The following MKLN1 variants were observed in gnomAD, a reference collection of about 807,000 sequenced individuals.
MKLN1 encodes muskelin 1, also known as muskelin.
Under a neutral mutation model 99.0 loss-of-function variants are expected in MKLN1, and 18 were observed. The observed-to-expected ratio is 0.18, with a 90% confidence interval of 0.13 to 0.27. The LOEUF (loss-of-function observed/expected upper bound fraction) is 0.27, where lower values mean the gene tolerates loss of function less well. MKLN1 is among the 10% of genes least tolerant of loss of function. The pLI, the probability that MKLN1 is intolerant of heterozygous loss-of-function variation, is 1.00. For missense variants in MKLN1, 621 were observed against 875.9 expected, an observed-to-expected ratio of 0.71 and a Z score of 3.67; for synonymous variants, 288 against 293.2, an observed-to-expected ratio of 0.98 and a Z score of 0.18.
At chr7:131,342,019 A>G (rs888222875) in intron 1 of MKLN1, among the ~76,000 whole-genome samples, 2 of 152,230 alleles carry the variant, frequency 1.3e-5, no homozygotes, top group African/African-American at 4.8e-5. Context: ...ATTATGAATA[A>G]TGCTGCTATA....
chr7:131,286,710 G>A (rs1798137388), intron 3 of MKLN1, among the ~76,000 whole-genome samples: 3 of 152,180 alleles, frequency 2.0e-5, no homozygotes, highest in South Asian at 2.1e-4. Context: ...TTCTTGTTTC[G>A]AATAAGAATG....
chr7:131,221,974 C>T (rs941942827), intron 3 of MKLN1, among the ~76,000 whole-genome samples: 5 of 149,986 alleles, frequency 3.3e-5, no homozygotes, highest in African/African-American at 7.4e-5. Context: ...GGTGTGATCT[C>T]GGCTCACTGC....
intron 12 of MKLN1, among the ~76,000 whole-genome samples, chr7:131,460,450 C>T (rs1267956721): frequency 6.6e-6 from 1 of 152,196 alleles, no homozygotes; most frequent in East Asian, 1.9e-4. Context: ...TACTGTCAAC[C>T]AAGCTTTCCT....
intron 17 of MKLN1, among the ~76,000 whole-genome samples, chr7:131,484,467 C>T (rs1446645442): frequency 3.9e-5 from 6 of 152,100 alleles, no homozygotes; most frequent in African/African-American, 1.2e-4. Flanking sequence ...TAAGTCATCT[C>T]ATCTGAAACT....
intron 1 of MKLN1, among the ~76,000 whole-genome samples, chr7:131,373,476 T>G (rs1490438987): frequency 1.3e-5 from 2 of 152,262 alleles, no homozygotes; most frequent in East Asian, 3.9e-4. Context: ...GTGGAACATG[T>G]GTGTAAAGGC....
chr7:131,303,761 A>G (rs1798412122), intron 3 of MKLN1, among the ~76,000 whole-genome samples: 2 of 152,190 alleles, frequency 1.3e-5, no homozygotes, highest in African/African-American at 2.4e-5. Flanking sequence ...AATTGAGATA[A>G]TGCATGTAAC....
chr7:131,478,599 T>TTG, intron 16 of MKLN1, 24 bp from the exon 17 acceptor site: 1 of 1,396,392 alleles, frequency 7.2e-7, no homozygotes, highest in Non-Finnish European at 9.3e-7. Context: ...CTGCTTCTTT[T>TTG]TTTTTTTTTT....
chr7:131,354,432 G>A (rs879537539), intron 1 of MKLN1, among the ~76,000 whole-genome samples: 3 of 149,086 alleles, frequency 2.0e-5, no homozygotes, highest in Non-Finnish European at 4.5e-5. Context: ...CATGTTTAGT[G>A]TTAGTATATA....
intron 2 of MKLN1, among the ~76,000 whole-genome samples, chr7:131,201,235 G>T (rs1472554239): frequency 6.6e-6 from 1 of 152,118 alleles, no homozygotes; most frequent in East Asian, 1.9e-4. Flanking sequence ...GTCCAGGCTG[G>T]TCTCAAATTC....
chr7:131,361,769 A>G (rs1166058623), intron 1 of MKLN1, among the ~76,000 whole-genome samples: 3 of 151,700 alleles, frequency 2.0e-5, no homozygotes, highest in South Asian at 4.2e-4. Context: ...GTATATTCCA[A>G]ATTCCACTTA....
At chr7:131,151,801 G>A (rs543330507) in intron 2 of MKLN1, among the ~76,000 whole-genome samples, 20 of 152,066 alleles carry the variant, frequency 1.3e-4, no homozygotes, top group East Asian at 1.9e-4. Flanking sequence ...ATTTATGCAC[G>A]CATACAAACA....
At chr7:131,235,033 A>G (rs1472003992) in intron 3 of MKLN1, among the ~76,000 whole-genome samples, 1 of 152,220 alleles carries the variant, frequency 6.6e-6, no homozygotes, top group African/African-American at 2.4e-5. Flanking sequence ...GAATCCATTC[A>G]GTCTTCCCTG....
intron 1 of MKLN1, among the ~76,000 whole-genome samples, chr7:131,364,204 C>T (rs1444663588): frequency 6.6e-6 from 1 of 151,512 alleles, no homozygotes; most frequent in African/African-American, 2.4e-5. Flanking sequence ...AAGAAAAAAA[C>T]GTTTGTTTAT....
intron 3 of MKLN1, among the ~76,000 whole-genome samples, chr7:131,291,600 AT>A (rs1447139507): frequency 8.3e-5 from 11 of 133,256 alleles, no homozygotes; most frequent in South Asian, 2.3e-4. Flanking sequence ...ATATATATAT[AT>A]AATACAGCTT....
At chr7:131,456,417 C>T (rs1035773651) in intron 12 of MKLN1, among the ~76,000 whole-genome samples, 29 of 152,066 alleles carry the variant, frequency 1.9e-4, no homozygotes, top group African/African-American at 6.8e-4. Context: ...AGCTGGATTC[C>T]AGAAACTCCT....
intron 8 of MKLN1, among the ~76,000 whole-genome samples, chr7:131,422,803 T>C (rs1406557032): frequency 1.3e-5 from 2 of 152,128 alleles, no homozygotes; most frequent in Non-Finnish European, 2.9e-5. Flanking sequence ...AGGTGTATGA[T>C]GGCACAAATT....
intron 7 of MKLN1, among the ~76,000 whole-genome samples, chr7:131,412,257 A>C (rs1328396893): frequency 2.6e-5 from 4 of 152,218 alleles, no homozygotes; most frequent in Non-Finnish European, 5.9e-5. Flanking sequence ...ACAGAATATC[A>C]TTATAAACTG....
chr7:131,494,843 ATAATT>A lies in MKLN1; in HGVS notation c.*7118_*7122del, dbSNP rs1465857679. On this transcript the variant is annotated 3_prime_UTR_variant, in exon 18 of 18. Coordinates refer to ENST00000352689, the MANE Select transcript of MKLN1 (RefSeq NM_013255.5). ...TTAACTACTTTGTATAGTCTTCTGC[ATAATT>A]TAGAGTTGAAAATAATGTAACATTT... is the stretch of plus-strand genomic sequence containing the variant. 8.5e-5 allele frequency: 13 copies of A among 152,242 alleles called. No homozygotes were observed. Among genetic ancestry groups the A allele is most frequent in the African/African-American group, 3.1e-4 (13 of 41,468 alleles). The allele number at this position is 152,242 out of a possible 1,614,324, so 9.4% of individuals were successfully genotyped here.
chr7:131,478,618 A>C lies in MKLN1; in HGVS notation c.2032-5A>C. On this transcript the variant is annotated splice_polypyrimidine_tract_variant and splice_region_variant and intron_variant, in intron 16 of 17. Coordinates refer to ENST00000352689, the MANE Select transcript of MKLN1 (RefSeq NM_013255.5). ...TTCTTTTTTTTTTTTTTTTTTTTTA[A>C]ACAGTTTCAGCTCCTGGCATCAGCT... 1 of 1,140,132 alleles carries C rather than the reference A, an allele frequency of 8.8e-7. No homozygotes were observed. Among genetic ancestry groups the C allele is most frequent in the East Asian group, 3.2e-5 (1 of 31,136 alleles). 70.6% of individuals were successfully genotyped at this position (1,140,132 alleles called of 1,614,324 possible). A position where few individuals can be genotyped will look rare whatever the true frequency, so the allele number is the denominator to read the frequency against.
Sources: allele counts gnomAD v4.1 joint callset (sites outside exome capture counted in the v4.1 genomes callset), GRCh38; gene constraint gnomAD v4.1.1; transcripts MANE v1.5; gene names NCBI Gene and HGNC (gene_info 2026-07-23, HGNC 2026-07-21).